PXDNL: variants seen among roughly 807,000 people sequenced by gnomAD.
PXDNL encodes peroxidasin like.
In PXDNL, 145 loss-of-function variants were observed where a neutral mutation model predicts 150.8. The ratio of observed to expected loss-of-function variants is 0.96; its 90% CI spans 0.84 to 1.10. The LOEUF (loss-of-function observed/expected upper bound fraction) is 1.10, where lower values mean the gene tolerates loss of function less well. PXDNL is among the 50% of genes least tolerant of loss of function. PXDNL has a pLI of 0.00. For synonymous variants in PXDNL, 757 were observed against 725.7 expected (o/e 1.04, Z -0.69); for missense variants, 2,087 against 1,873.9 (o/e 1.11, Z -2.10).
chr8:51,387,113 G>C (rs1434844572), intron 17 of PXDNL, among the ~76,000 whole-genome samples: 2 of 152,106 alleles, frequency 1.3e-5, no homozygotes, highest in Non-Finnish European at 2.9e-5. Context: ...CTATAGTTAA[G>C]ACCTCCTCAA....
At chr8:51,332,671 A>G (rs1805724969) in intron 21 of PXDNL, among the ~76,000 whole-genome samples, 1 of 152,180 alleles carries the variant, frequency 6.6e-6, no homozygotes, top group African/African-American at 2.4e-5. Context: ...CTTTGGACAC[A>G]CTTTTAGAAA....
At position 51,350,354 on chromosome 8, in the gene PXDNL, CT is replaced by C. The variant is rs1163628780; in HGVS notation, c.3902-4408del. 2.3e-3 allele frequency among the ~76,000 whole-genome samples: 180 copies of C among 77,892 alleles called. 2 individuals are homozygous for C. Among genetic ancestry groups the C allele is most frequent in the African/African-American group, 6.4e-3 (123 of 19,158 alleles). The allele number at this position is 77,892 out of a possible 152,430, so 51.1% of individuals were successfully genotyped here. A position where few individuals can be genotyped will look rare whatever the true frequency, so the allele number is the denominator to read the frequency against. On this transcript the variant is annotated intron_variant, in intron 19 of 22. Transcript: ENST00000356297. ...AGTCTTTTATTAGCAAATGCAGCTT[CT>C]TTTTTTTTTTTTTTTTTTTTTGAGA...
At chr8:51,701,546 C>T (rs1816257976) in intron 1 of PXDNL, among the ~76,000 whole-genome samples, 1 of 152,122 alleles carries the variant, frequency 6.6e-6, no homozygotes. Flanking sequence ...ACTAAGTGAT[C>T]CTCTTGGTTT....
chr8:51,667,217 C>T (rs945612963), intron 1 of PXDNL, among the ~76,000 whole-genome samples: 4 of 152,188 alleles, frequency 2.6e-5, no homozygotes, highest in African/African-American at 9.7e-5. Context: ...ATAGCCCCTC[C>T]CTTGGCTACT....
At chr8:51,718,980 G>T (rs896501095) in intron 1 of PXDNL, among the ~76,000 whole-genome samples, 40 of 151,878 alleles carry the variant, frequency 2.6e-4, no homozygotes, top group Non-Finnish European at 5.6e-4. Context: ...CACCCCATCT[G>T]GGAGGGAGGC....
intron 4 of PXDNL, among the ~76,000 whole-genome samples, chr8:51,531,678 G>C (rs563376767): frequency 5.9e-5 from 9 of 152,354 alleles, no homozygotes; most frequent in African/African-American, 2.2e-4. Flanking sequence ...AACTTATACA[G>C]ATCTATGGGC....
rs530600824 is a variant in PXDNL at position 51,489,425 on chromosome 8, C to T, written c.453-5711G>A. Among the ~76,000 whole-genome samples, 255 of 152,278 alleles carry T rather than the reference C, an allele frequency of 1.7e-3. 1 individual carries two copies. Among genetic ancestry groups the T allele is most frequent in the Middle Eastern group, 6.8e-3 (2 of 294 alleles). ...CAACCTCCTAGGCTCAAGCAGTCCT[C>T]CTGCCTCACCCTCCCAAGTAGCTGA... On this transcript the variant is annotated intron_variant, in intron 5 of 22. Coordinates refer to ENST00000356297, the MANE Select transcript of PXDNL (RefSeq NM_144651.5).
At chr8:51,741,786 G>T (rs546869939) in intron 1 of PXDNL, among the ~76,000 whole-genome samples, 2 of 152,178 alleles carry the variant, frequency 1.3e-5, no homozygotes, top group Non-Finnish European at 2.9e-5. Context: ...CTCACACGTC[G>T]CTGGTGGGAA....
chr8:51,630,046 G>A (rs1473763575), intron 2 of PXDNL, among the ~76,000 whole-genome samples: 1 of 151,882 alleles, frequency 6.6e-6, no homozygotes, highest in African/African-American at 2.4e-5. Flanking sequence ...TATAATACAA[G>A]GCTATAGTAA....
At chr8:51,614,234 T>C (rs575745322) in intron 2 of PXDNL, among the ~76,000 whole-genome samples, 31 of 152,374 alleles carry the variant, frequency 2.0e-4, no homozygotes, top group Admixed American at 9.1e-4. Context: ...GTCATATTAG[T>C]GTTGTTAAAT....
At chr8:51,551,818 A>T (rs1812492899) in intron 4 of PXDNL, among the ~76,000 whole-genome samples, 1 of 152,180 alleles carries the variant, frequency 6.6e-6, no homozygotes, top group South Asian at 2.1e-4. Flanking sequence ...AACAAAGATA[A>T]ATAGATGGGA....
chr8:51,790,447 G>T (rs2037501116), intron 1 of PXDNL, among the ~76,000 whole-genome samples: 1 of 152,200 alleles, frequency 6.6e-6, no homozygotes, highest in Admixed American at 6.5e-5. Flanking sequence ...ATACTTTGGT[G>T]GAAGGTTCTA....
chr8:51,393,822 C>G (rs1424791715), intron 17 of PXDNL, among the ~76,000 whole-genome samples: 1 of 152,204 alleles, frequency 6.6e-6, no homozygotes, highest in Non-Finnish European at 1.5e-5. Flanking sequence ...GACAGGGAAA[C>G]AAATCATCCC....
At chr8:51,715,945 C>T (rs1816608741) in intron 1 of PXDNL, among the ~76,000 whole-genome samples, 1 of 152,256 alleles carries the variant, frequency 6.6e-6, no homozygotes, top group South Asian at 2.1e-4. Context: ...TTGGAAGAAT[C>T]TTACAATATG....
At chr8:51,621,028 A>G (rs1057220330) in intron 2 of PXDNL, among the ~76,000 whole-genome samples, 3 of 152,196 alleles carry the variant, frequency 2.0e-5, no homozygotes, top group Non-Finnish European at 1.5e-5. Flanking sequence ...CATGAGTCAC[A>G]CTTTTCATAA....
Position 51,577,999 on chromosome 8 carries a change from GAGGAAGGAAGGAAGGAAGGAAGGAAGGA to G in PXDNL, c.308+14600_308+14627del, listed in dbSNP as rs200324232. Among the ~76,000 whole-genome samples, 16 of 31,524 alleles carry G rather than the reference GAGGAAGGAAGGAAGGAAGGAAGGAAGGA, an allele frequency of 5.1e-4. 1 individual carries two copies. The highest frequency in any genetic ancestry group is 8.7e-4 in the Non-Finnish European group (14 of 16,026). 20.7% of individuals were successfully genotyped at this position (31,524 alleles called of 152,430 possible). A position where few individuals can be genotyped will look rare whatever the true frequency, so the allele number is the denominator to read the frequency against. On this transcript the variant is annotated intron_variant, in intron 3 of 22. Transcript: ENST00000356297. Reference sequence around the variant, plus strand: ...AGAAAGAAAGAAAGAAAGAAAGAAAGAGGAAGGAAGGAAGGAAGGAAGGAAGGAAGGAAGGAAGGAAGGAAGGAAGGAA... The same window carrying G: ...AGAAAGAAAGAAAGAAAGAAAGAAAGAGGAAGGAAGGAAGGAAGGAAGGAA...
At chr8:51,575,014 C>A (rs1472432324) in intron 3 of PXDNL, among the ~76,000 whole-genome samples, 1 of 152,036 alleles carries the variant, frequency 6.6e-6, no homozygotes, top group Non-Finnish European at 1.5e-5. Context: ...TTTACCTTTT[C>A]TCTTCAGCAT....
chr8:51,452,443 G>T (rs1809827138), intron 10 of PXDNL, among the ~76,000 whole-genome samples: 1 of 152,160 alleles, frequency 6.6e-6, no homozygotes, highest in Non-Finnish European at 1.5e-5. Flanking sequence ...CATGTAAATA[G>T]GAATAAGAAA....
rs569896744 is a variant in PXDNL at position 51,487,632 on chromosome 8, T to C, written c.453-3918A>G. 2.6e-5 allele frequency among the ~76,000 whole-genome samples: 4 copies of C among 152,298 alleles called. No individual in the cohort carries two copies. In the South Asian group the frequency reaches 8.3e-4, roughly 32 times the overall value. On this transcript the variant is annotated intron_variant, in intron 5 of 22. Transcript: ENST00000356297. ...AACATTTTAAACCACATGGCTCCAC[T>C]AAATGTGCTTGGATTCTTTTGCTTG...
Sources: allele counts gnomAD v4.1 joint callset (sites outside exome capture counted in the v4.1 genomes callset), GRCh38; gene constraint gnomAD v4.1.1; transcripts MANE v1.5; gene names NCBI Gene and HGNC (gene_info 2026-07-23, HGNC 2026-07-21).